Variants in CACNB2 observed in about 807,000 individuals in gnomAD.
CACNB2 encodes the protein calcium voltage-gated channel auxiliary subunit beta 2.
In CACNB2, 42 loss-of-function variants were observed where a neutral mutation model predicts 73.3. The observed-to-expected ratio is 0.57, with a 90% CI of 0.45 to 0.74. The LOEUF is 0.74. Among genes scored for constraint, CACNB2 ranks in the 30% least tolerant of loss-of-function variants. The probability of loss-of-function intolerance (pLI) is 0.00; values close to 1 mark genes in which losing one functional copy is unlikely to be tolerated. For missense variants in CACNB2, 940 were observed against 853.0 expected, an observed-to-expected ratio of 1.10 and a Z score of -1.27; for synonymous variants, 348 against 310.3, an observed-to-expected ratio of 1.12 and a Z score of -1.28.
At position 18,426,550 on chromosome 10, in the gene CACNB2, C is replaced by A. The variant is rs112984683; in HGVS notation, c.333+24507C>A. On this transcript the variant is annotated intron_variant, in intron 3 of 13. Transcript: ENST00000324631. ...TCATAGCATGTGAATAACGGAAATT[C>A]TATTTCTGGTTGAGCACAGTGTCTC... 7.6e-3 allele frequency among the ~76,000 whole-genome samples: 1,151 copies of A among 152,272 alleles called. 11 individuals are homozygous for A. The highest frequency in any genetic ancestry group is 0.026 in the African/African-American group (1,095 of 41,552).
In CACNB2 at chr10:18,543,075, C is replaced by G. The variant is rs999441969; in HGVS notation, c.*3351C>G. 2 of 152,080 alleles carry G rather than the reference C, an allele frequency of 1.3e-5. No individual in the cohort carries two copies. The highest frequency in any genetic ancestry group is 2.9e-5 in the Non-Finnish European group (2 of 68,018). The allele number at this position is 152,080 out of a possible 1,614,324, so 9.4% of individuals were successfully genotyped here. ...TGTTAAACATTCACTGTCAGCTACACTGAACTGTCTAACAAACCTGGTTTA... is the reference window on the plus strand; with the variant it reads ...TGTTAAACATTCACTGTCAGCTACAGTGAACTGTCTAACAAACCTGGTTTA... On this transcript the variant is annotated 3_prime_UTR_variant, in exon 14 of 14. Coordinates refer to ENST00000324631, the MANE Select transcript of CACNB2 (RefSeq NM_201596.3).
rs1564678544 is a variant in CACNB2 at position 18,539,570 on chromosome 10, G to GGGACGT, written c.1833_1838dup (p.Val612_Asp613dup). On this transcript the variant is annotated inframe_insertion, in exon 14 of 14. Coordinates refer to ENST00000324631, the MANE Select transcript of CACNB2 (RefSeq NM_201596.3). ...CACAGGGAGTCCCGGCACCGTTCCC[G>GGGACGT]GGACGTGGATCGAGAGCAGGACCAC... 15 of 1,613,654 alleles carry GGGACGT rather than the reference G, an allele frequency of 9.3e-6. No homozygotes were observed. Among genetic ancestry groups the GGGACGT allele is most frequent in the Admixed American group, 1.7e-5 (1 of 59,952 alleles).
intron 3 of CACNB2, among the ~76,000 whole-genome samples, chr10:18,472,715 C>T (rs1262042726): frequency 1.3e-5 from 2 of 152,274 alleles, no homozygotes; most frequent in East Asian, 1.9e-4. Flanking sequence ...CCTTAATAAA[C>T]GTATTGGTTT....
intron 3 of CACNB2, among the ~76,000 whole-genome samples, chr10:18,448,884 T>C (rs147025753): frequency 1.2e-4 from 18 of 152,346 alleles, no homozygotes; most frequent in Admixed American, 8.5e-4. Flanking sequence ...TGGAGAATTA[T>C]GTCCTAGAGT....
At chr10:18,485,287 A>T (rs149831092) in intron 3 of CACNB2, among the ~76,000 whole-genome samples, 72 of 152,316 alleles carry the variant, frequency 4.7e-4, no homozygotes, top group African/African-American at 1.7e-3. Context: ...GAGAAGTTAT[A>T]ATCAGACAAG....
intron 2 of CACNB2, among the ~76,000 whole-genome samples, chr10:18,220,771 C>G (rs941056743): frequency 6.6e-6 from 1 of 152,090 alleles, no homozygotes; most frequent in Non-Finnish European, 1.5e-5. Flanking sequence ...GTGAACTGCA[C>G]GTGTCAGGGA....
At chr10:18,477,087 G>C (rs999500161) in intron 3 of CACNB2, among the ~76,000 whole-genome samples, 1 of 152,006 alleles carries the variant, frequency 6.6e-6, no homozygotes, top group South Asian at 2.1e-4. Flanking sequence ...TGCAAAGGGC[G>C]TAGCCTTTGG....
chr10:18,510,274 C>A (rs137963916), intron 6 of CACNB2, among the ~76,000 whole-genome samples: 1 of 152,136 alleles, frequency 6.6e-6, no homozygotes, highest in Admixed American at 6.5e-5. Flanking sequence ...ACCTGGGCAA[C>A]GTTGCAGCCA....
Position 18,268,190 on chromosome 10 carries a change from A to T in CACNB2, c.213+117215A>T, listed in dbSNP as rs78819239. On this transcript the variant is annotated intron_variant, in intron 2 of 13. Transcript: ENST00000324631. Reference sequence around the variant, plus strand: ...AGCGTATTGAATTATGTAGGAATGTAGTGGTCATCATCTAACTGTTCATTC... The same window carrying T: ...AGCGTATTGAATTATGTAGGAATGTTGTGGTCATCATCTAACTGTTCATTC... Among the ~76,000 whole-genome samples, 577 of 152,362 alleles carry T rather than the reference A, an allele frequency of 3.8e-3. 26 individuals carry two copies. The East Asian group carries it at 0.098, about 26-fold the overall frequency.
At chr10:18,397,020 G>A (rs1375923011) in intron 2 of CACNB2, among the ~76,000 whole-genome samples, 2 of 152,134 alleles carry the variant, frequency 1.3e-5, no homozygotes, top group Admixed American at 6.5e-5. Context: ...CCAAGATGCC[G>A]CTATGAAATA....
intron 2 of CACNB2, among the ~76,000 whole-genome samples, chr10:18,341,591 C>T (rs1366098699): frequency 6.6e-6 from 1 of 151,928 alleles, no homozygotes; most frequent in Non-Finnish European, 1.5e-5. Flanking sequence ...AGGATGAAAA[C>T]ATGCACAAAA....
intron 6 of CACNB2, among the ~76,000 whole-genome samples, chr10:18,510,273 A>G (rs771940635): frequency 2.6e-5 from 4 of 152,178 alleles, no homozygotes; most frequent in Non-Finnish European, 5.9e-5. Flanking sequence ...CACCTGGGCA[A>G]CGTTGCAGCC....
chr10:18,152,709 CAAAAAAA>C (rs772732675), intron 2 of CACNB2, among the ~76,000 whole-genome samples: 7 of 49,368 alleles, frequency 1.4e-4, no homozygotes, highest in East Asian at 6.8e-4. Flanking sequence ...TGAAACAGAC[CAAAAAAA>C]AAAAAAAAAA....
At chr10:18,460,279 G>C (rs2047498843) in intron 3 of CACNB2, among the ~76,000 whole-genome samples, 1 of 151,864 alleles carries the variant, frequency 6.6e-6, no homozygotes, top group African/African-American at 2.4e-5. Flanking sequence ...TTATCTTCTA[G>C]CCCAATGTAT....
At chr10:18,276,981 G>C (rs1217095428) in intron 2 of CACNB2, among the ~76,000 whole-genome samples, 1 of 152,204 alleles carries the variant, frequency 6.6e-6, no homozygotes. Flanking sequence ...GCCTGGTGTG[G>C]TGGTACGCAC....
chr10:18,334,561 T>C (rs1436872921), intron 2 of CACNB2, among the ~76,000 whole-genome samples: 1 of 152,160 alleles, frequency 6.6e-6, no homozygotes, highest in East Asian at 1.9e-4. Flanking sequence ...TTCTGGCCAG[T>C]TTCTCATTCT....
chr10:18,407,107 G>GTTTTTTTTTT (rs1293331753), intron 3 of CACNB2, among the ~76,000 whole-genome samples: 5 of 49,560 alleles, frequency 1.0e-4, no homozygotes, highest in African/African-American at 2.2e-4. Context: ...CTGCTGTTCT[G>GTTTTTTTTTT]TCTTTTTTTT....
intron 2 of CACNB2, chr10:18,340,965 C>G: frequency 6.2e-7 from 1 of 1,614,106 alleles, no homozygotes; most frequent in South Asian, 1.1e-5. Context: ...AAACTAAATA[C>G]ATTATTCCTG....
In CACNB2 at chr10:18,475,104, C is replaced by G. The variant is rs923543834; in HGVS notation, c.334-23251C>G. Among the ~76,000 whole-genome samples, 4 of 150,894 alleles carry G rather than the reference C, an allele frequency of 2.7e-5. No homozygotes were observed. In the East Asian group the frequency reaches 7.8e-4, roughly 29 times the overall value. On this transcript the variant is annotated intron_variant, in intron 3 of 13. Transcript: ENST00000324631. ...TAAGAGGATACAACTCAGGAACAGC[C>G]AGAGGAGAGAGGGATGGGAGAGGGT... is the stretch of plus-strand genomic sequence containing the variant.
Sources: gnomAD v4.1 joint callset for allele counts (sites outside exome capture counted in the v4.1 genomes callset) on GRCh38, gnomAD v4.1.1 for gene constraint, MANE v1.5 for transcripts, NCBI Gene and HGNC (gene_info 2026-07-23, HGNC 2026-07-21) for gene names.